MMD2: variants seen among roughly 807,000 people sequenced by gnomAD.
MMD2 encodes monocyte to macrophage differentiation factor 2.
Under a neutral mutation model 33.5 loss-of-function variants are expected in MMD2, and 30 were observed. That is an observed-to-expected ratio of 0.90 (90% CI 0.67 to 1.22). The LOEUF (loss-of-function observed/expected upper bound fraction) is 1.22. Among genes scored for constraint, MMD2 ranks in the 50% most tolerant of loss-of-function variants. The probability of loss-of-function intolerance (pLI) is 0.00; values close to 1 mark genes in which losing one functional copy is unlikely to be tolerated. For synonymous variants in MMD2, 129 were observed against 123.0 expected (o/e 1.05, Z -0.32); for missense variants, 364 against 325.4 (o/e 1.12, Z -0.91).
intron 2 of MMD2, among the ~76,000 whole-genome samples, chr7:4,925,056 G>A (rs1452109180): frequency 6.6e-6 from 1 of 152,134 alleles, no homozygotes; most frequent in Non-Finnish European, 1.5e-5. Context: ...TCAGCCTCCA[G>A]AGTAGCTGGG....
chr7:4,923,714 G>A (rs979249469), intron 2 of MMD2, among the ~76,000 whole-genome samples: 2 of 152,102 alleles, frequency 1.3e-5, no homozygotes, highest in Non-Finnish European at 2.9e-5. Context: ...TGCAAAAGAG[G>A]GAATCATGTG....
At chr7:4,910,180 C>T (rs6964162) in intron 5 of MMD2, among the ~76,000 whole-genome samples, 89,245 of 151,986 alleles carry the variant, frequency 0.59, 28,650 homozygotes, top group African/African-American at 0.87. Context: ...ACTTTCCACA[C>T]CTGTAAAATG....
Position 4,946,641 on chromosome 7 carries a change from A to G in MMD2, c.47+12330T>C, listed in dbSNP as rs2115152650. Among the ~76,000 whole-genome samples, 1 of 152,324 alleles carries G rather than the reference A, an allele frequency of 6.6e-6. No homozygotes were observed. Among genetic ancestry groups the G allele is most frequent in the East Asian group, 1.9e-4 (1 of 5,188 alleles). ...TCCCAGGGGTTACCTTAGAGCCCTC[A>G]TGGATCAACCTAGCACCACGGGTGG... On this transcript the variant is annotated intron_variant, in intron 1 of 6. Coordinates refer to ENST00000401401, the MANE Select transcript of MMD2 (RefSeq NM_198403.4). The surrounding 1 kb of genome is among the most constrained non-coding windows in gnomAD (Gnocchi z 5.0).
At chr7:4,920,893 T>C (rs1243817767) in intron 2 of MMD2, among the ~76,000 whole-genome samples, 1 of 151,986 alleles carries the variant, frequency 6.6e-6, no homozygotes, top group Non-Finnish European at 1.5e-5. Flanking sequence ...AATTTTTATA[T>C]TTTTTATAGA....
chr7:4,954,950 G>C (rs978552218), intron 1 of MMD2, among the ~76,000 whole-genome samples: 1 of 152,102 alleles, frequency 6.6e-6, no homozygotes, highest in Non-Finnish European at 1.5e-5. Context: ...ATAATGAATT[G>C]TCTCAGTACC....
At chr7:4,908,202 C>T (rs1459875621) in intron 6 of MMD2, among the ~76,000 whole-genome samples, 5 of 149,446 alleles carry the variant, frequency 3.3e-5, no homozygotes, top group African/African-American at 4.9e-5. Flanking sequence ...AGTGCAGTAG[C>T]GAGATCTCAG....
chr7:4,921,104 G>T (rs1427855826), intron 2 of MMD2, among the ~76,000 whole-genome samples: 2 of 152,104 alleles, frequency 1.3e-5, no homozygotes, highest in Admixed American at 1.3e-4. Flanking sequence ...TTCTCAAAGG[G>T]GTCCATGTAT....
chr7:4,897,033 T>C, the MMD2 span, among the ~76,000 whole-genome samples: 1 of 151,906 alleles, frequency 6.6e-6, no homozygotes, highest in East Asian at 1.9e-4. Context: ...CTAATTTTTG[T>C]ATTTTTAGTA....
At chr7:4,939,640 T>C (rs1334116451) in intron 1 of MMD2, among the ~76,000 whole-genome samples, 1 of 152,146 alleles carries the variant, frequency 6.6e-6, no homozygotes, top group Non-Finnish European at 1.5e-5. Flanking sequence ...GTAATGAGAA[T>C]TAATGAATTA....
At chr7:4,911,043 C>T (rs1323237312) in intron 5 of MMD2, 102 bp downstream of exon 5, 8 of 997,880 alleles carry the variant, frequency 8.0e-6, no homozygotes, top group East Asian at 2.7e-5. Context: ...TGTGCTCTCA[C>T]GATTATGAGA....
chr7:4,914,329 A>C (rs1438762575), intron 4 of MMD2, among the ~76,000 whole-genome samples: 1 of 152,216 alleles, frequency 6.6e-6, no homozygotes, highest in East Asian at 1.9e-4. Flanking sequence ...TGCTGTGGCC[A>C]CATTCAGAAG....
intron 1 of MMD2, among the ~76,000 whole-genome samples, chr7:4,949,052 A>G (rs567823217): frequency 1.3e-5 from 2 of 152,138 alleles, no homozygotes; most frequent in Non-Finnish European, 2.9e-5. Context: ...TCTACTAAAA[A>G]TAGAAAAATT....
At position 4,956,386 on chromosome 7, in the gene MMD2, A is replaced by G. The variant is rs565304303; in HGVS notation, c.47+2585T>C. Among the ~76,000 whole-genome samples the G allele has an allele frequency of 1.3e-3, 191 of 152,048 alleles. 1 individual carries two copies. The highest frequency in any genetic ancestry group is 9.1e-4 in the Non-Finnish European group (62 of 67,994). On this transcript the variant is annotated intron_variant, in intron 1 of 6. Transcript: ENST00000401401. The stretch of plus-strand genomic sequence containing the variant: ...GGCTGCAGTGAGCTATGATCACACC[A>G]CTGCATTCCAGCCTGGGTGATAGAG...
chr7:4,951,831 C>A (rs1583403301), intron 1 of MMD2, among the ~76,000 whole-genome samples: 1 of 152,122 alleles, frequency 6.6e-6, no homozygotes, highest in South Asian at 2.1e-4. Context: ...AACTCCTGGG[C>A]TCAAGCAATC....
chr7:4,956,772 G>C (rs1027054622), intron 1 of MMD2, among the ~76,000 whole-genome samples: 2 of 152,132 alleles, frequency 1.3e-5, no homozygotes, highest in African/African-American at 4.8e-5. Flanking sequence ...GGACAGGCCC[G>C]GGCTGGTTGC....
intron 1 of MMD2, among the ~76,000 whole-genome samples, chr7:4,926,905 C>T (rs1314917617): frequency 6.6e-6 from 1 of 151,970 alleles, no homozygotes; most frequent in African/African-American, 2.4e-5. Flanking sequence ...CCATCATGCC[C>T]AGCTGATTTT....
chr7:4,911,109 A>G (rs1258186044), intron 5 of MMD2, 36 bp downstream of exon 5: 2 of 1,521,340 alleles, frequency 1.3e-6, no homozygotes, highest in Non-Finnish European at 1.8e-6. Context: ...CATCTAAGGG[A>G]ATCCCGCCTC....
the MMD2 span, among the ~76,000 whole-genome samples, chr7:4,897,508 C>A: frequency 1.2e-3 from 186 of 152,292 alleles, 1 homozygote; most frequent in African/African-American, 4.3e-3. Flanking sequence ...GAAAGACAAT[C>A]ATACAGTTTC....
intron 1 of MMD2, among the ~76,000 whole-genome samples, chr7:4,942,291 G>T (rs1240357752): frequency 1.3e-5 from 2 of 150,516 alleles, no homozygotes; most frequent in African/African-American, 4.9e-5. Flanking sequence ...AGATGGGGGG[G>T]GTCTTGCCAT....
Sources: gnomAD v4.1 joint callset for allele counts (sites outside exome capture counted in the v4.1 genomes callset) on GRCh38, gnomAD v4.1.1 for gene constraint, Gnocchi (gnomAD v3.1) non-coding constraint, MANE v1.5 for transcripts, NCBI Gene and HGNC (gene_info 2026-07-23, HGNC 2026-07-21) for gene names.